EFHB: variants seen among roughly 807,000 people sequenced by gnomAD.
The protein encoded by EFHB is EF-hand domain family member B.
Under a neutral mutation model 87.2 loss-of-function variants are expected in EFHB, and 91 were observed. The ratio of observed to expected loss-of-function variants is 1.04; its 90% CI spans 0.88 to 1.24. The LOEUF (loss-of-function observed/expected upper bound fraction) is 1.24, where lower values mean the gene tolerates loss of function less well. EFHB is among the 50% of genes most tolerant of loss of function. The probability of loss-of-function intolerance (pLI) is 0.00; values close to 1 mark genes in which losing one functional copy is unlikely to be tolerated. For missense variants in EFHB, 1,084 were observed against 998.8 expected (o/e 1.09, Z -1.15); for synonymous variants, 325 against 333.6 (o/e 0.97, Z 0.28).
upstream of EFHB, among the ~76,000 whole-genome samples, chr3:19,936,524 A>G (rs1696025876): frequency 6.6e-6 from 1 of 152,086 alleles, no homozygotes; most frequent in Non-Finnish European, 1.5e-5. Context: ...TGATCATGCC[A>G]CTACACTCTA....
chr3:19,936,142 T>C (rs1470958936), upstream of EFHB: 6 of 1,494,162 alleles, frequency 4.0e-6, no homozygotes, highest in Non-Finnish European at 5.4e-6. Flanking sequence ...GTCACTCACC[T>C]GTAATCTCAA....
chr3:19,910,042 A>G (rs1695002325), intron 5 of EFHB, among the ~76,000 whole-genome samples: 1 of 151,858 alleles, frequency 6.6e-6, no homozygotes, highest in African/African-American at 2.4e-5. Context: ...TGTGGTAGCT[A>G]CAGAGCAAAA....
intron 1 of EFHB, 120 bp from the exon 2 acceptor site, chr3:19,920,687 T>TA: frequency 1.4e-6 from 1 of 691,138 alleles, no homozygotes; most frequent in South Asian, 2.2e-5. Flanking sequence ...TTGACTAACA[T>TA]AAAAAAGGAA....
At chr3:19,885,479 T>G (rs1330155317) in intron 10 of EFHB, among the ~76,000 whole-genome samples, 1 of 152,234 alleles carries the variant, frequency 6.6e-6, no homozygotes, top group East Asian at 1.9e-4. Flanking sequence ...GTTGTAAGAC[T>G]GTCCTCTTTT....
At position 19,933,441 on chromosome 3, in the gene EFHB, T is replaced by C; in HGVS notation, c.578A>G (p.Asp193Gly). The change falls in exon 1 of 13, where the codon GAC becomes GGC. Residue 193 changes from aspartate to glycine, a missense_variant. Physicochemically the swap from Asp to Gly is moderately conservative, Grantham distance 94 (BLOSUM62 -1). Transcript: ENST00000295824. ...NTEIKLPVEV[D>G]IGLTQAEGPD... ...CCCCTCGGCTTGGGTTAGTCCAATG[T>C]CCACCTCCACAGGAAGCTTAATCTC... 6.2e-7 allele frequency: 1 copy of C among 1,614,036 alleles called. No homozygotes were observed. Among genetic ancestry groups the C allele is most frequent in the Non-Finnish European group, 8.5e-7 (1 of 1,179,902 alleles).
Position 19,895,351 on chromosome 3 carries a change from G to A in EFHB, c.1725+1336C>T, listed in dbSNP as rs143647745. ...AAAAAAATTAGTCGGGCCTGGTGGC[G>A]GGCACCTGTAGTCCCACTACTCGGG... On this transcript the variant is annotated intron_variant, in intron 9 of 12. Coordinates refer to ENST00000295824, the MANE Select transcript of EFHB (RefSeq NM_144715.4). Among the ~76,000 whole-genome samples, 940 of 151,758 alleles carry A rather than the reference G, an allele frequency of 6.2e-3. 2 individuals are homozygous for A. Among genetic ancestry groups the A allele is most frequent in the African/African-American group, 0.02 (810 of 41,374 alleles).
rs1559476073 is a variant in EFHB, at chr3:19,933,615, C to CCA, written c.402_403dup (p.Gly135ValfsTer21). 5.0e-6 allele frequency: 8 copies of CCA among 1,613,904 alleles called. No homozygotes were observed. The highest frequency in any genetic ancestry group is 6.8e-6 in the Non-Finnish European group (8 of 1,179,896). On this transcript the variant is annotated frameshift_variant, in exon 1 of 13. Transcript: ENST00000295824. LOFTEE classifies it high-confidence loss of function. Reference sequence around the variant, plus strand: ...CCTGCTCCCTGCAGCCTGTGAACTTCCACACACCCTGCCCAAAGGAGGCTG... The same window carrying CCA: ...CCTGCTCCCTGCAGCCTGTGAACTTCCACACACACCCTGCCCAAAGGAGGCTG...
intron 1 of EFHB, among the ~76,000 whole-genome samples, chr3:19,944,546 T>G (rs1696228338): frequency 6.6e-6 from 1 of 152,216 alleles, no homozygotes; most frequent in Non-Finnish European, 1.5e-5. Context: ...AGCTTTACTG[T>G]GTCATTTCAA....
intron 10 of EFHB, 73 bp from the exon 11 acceptor site, chr3:19,884,688 A>G (rs948947889): frequency 4.6e-5 from 67 of 1,444,090 alleles, no homozygotes; most frequent in Non-Finnish European, 6.3e-5. Context: ...CTGTAACAGG[A>G]TAAGTTTTCC....
Position 19,896,804 on chromosome 3 carries a change from T to C in EFHB, c.1608A>G (p.Glu536=). 1.2e-6 allele frequency: 2 copies of C among 1,613,986 alleles called. No individual in the cohort carries two copies. The highest frequency in any genetic ancestry group is 1.7e-6 in the Non-Finnish European group (2 of 1,179,876). Residue 536 remains glutamate, a synonymous_variant, in exon 9 of 13, where the codon GAA becomes GAG. Coordinates refer to ENST00000295824, the MANE Select transcript of EFHB (RefSeq NM_144715.4). ...GCTGTCTATCCTTGCCTCGAAGATATTCATCCGGAAGTCTATTATGGATGA... is the reference window on the plus strand; with the variant it reads ...GCTGTCTATCCTTGCCTCGAAGATACTCATCCGGAAGTCTATTATGGATGA... ...GDLIHNRLPD[E]YLRGKDRQRA...
At chr3:19,894,195 C>T (rs1007958919) in intron 9 of EFHB, among the ~76,000 whole-genome samples, 16 of 152,166 alleles carry the variant, frequency 1.1e-4, no homozygotes, top group Middle Eastern at 3.2e-3. Context: ...GACTTTTTGG[C>T]AGTGTGGTGG....
chr3:19,897,562 T>G (rs6805780), intron 8 of EFHB, among the ~76,000 whole-genome samples: 9,594 of 152,204 alleles, frequency 0.063, 957 homozygotes, highest in African/African-American at 0.21. Context: ...TCTCTTCCTT[T>G]TTTAATTCAT....
At position 19,896,734 on chromosome 3, in the gene EFHB, A is replaced by T. The variant is rs1487089144; in HGVS notation, c.1678T>A (p.Tyr560Asn). 3.9e-5 allele frequency: 63 copies of T among 1,613,908 alleles called. No individual in the cohort carries two copies. Among genetic ancestry groups the T allele is most frequent in the Non-Finnish European group, 5.3e-5 (62 of 1,179,892 alleles). The part of the protein sequence containing the change: ...AVRHHLKKVN[Y>N]QKFDTLLAAF... ...GCCAGCAAAGTGTCAAACTTTTGGT[A>T]ATTAACTTTCTTCAGGTGATGCCGA... Residue 560 changes from tyrosine to asparagine, a missense_variant, in exon 9 of 13, where the codon TAC (tyrosine) becomes AAC (asparagine). Tyr to Asn is a moderately radical substitution (Grantham distance 143). Transcript: ENST00000295824.
chr3:19,895,684 T>G (rs1232950885), intron 9 of EFHB, among the ~76,000 whole-genome samples: 1 of 152,126 alleles, frequency 6.6e-6, no homozygotes, highest in Non-Finnish European at 1.5e-5. Context: ...TAAAAAGGTG[T>G]GCATAATCAA....
At position 19,888,380 on chromosome 3, in the gene EFHB, T is replaced by C. The variant is rs186260258; in HGVS notation, c.1933+64A>G. On this transcript the variant is annotated intron_variant, in intron 10 of 12. Coordinates refer to ENST00000295824, the MANE Select transcript of EFHB (RefSeq NM_144715.4). The stretch of plus-strand genomic sequence containing the variant: ...AGTGAGACCTCGTCTGTATTAAAAA[T>C]AATAATAATAAATTTTAAAATTTAA... The C allele has an allele frequency of 2.0e-3, 1,871 of 948,824 alleles. 13 individuals are homozygous for C. The highest frequency in any genetic ancestry group is 3.2e-3 in the South Asian group (98 of 30,250). 58.8% of individuals were successfully genotyped at this position (948,824 alleles called of 1,614,324 possible).
intron 9 of EFHB, 28 bp from the exon 10 acceptor site, chr3:19,888,679 A>T (rs1461621750): frequency 1.3e-6 from 2 of 1,567,500 alleles, no homozygotes; most frequent in East Asian, 4.5e-5. Context: ...AAAGAACATA[A>T]AATGGGAGTT....
chr3:19,903,848 A>G (rs769365952), intron 6 of EFHB, among the ~76,000 whole-genome samples: 13 of 152,214 alleles, frequency 8.5e-5, no homozygotes, highest in Non-Finnish European at 1.5e-4. Flanking sequence ...CCTGGGTTTC[A>G]TTCTTACCCC....
At position 19,888,616 on chromosome 3, in the gene EFHB, C is replaced by T. The variant is rs1348028606; in HGVS notation, c.1761G>A (p.Gln587=). 6.2e-7 allele frequency: 1 copy of T among 1,607,180 alleles called. No homozygotes were observed. Among genetic ancestry groups the T allele is most frequent in the Non-Finnish European group, 8.5e-7 (1 of 1,176,404 alleles). The change falls in exon 10 of 13, where the codon CAG becomes CAA. Residue 587 remains glutamine, a synonymous_variant. Transcript: ENST00000295824. ...TCAAGTTGGCCTGGTCACAAGCTTC[C>T]TGCAGCTCGTCTTTATCTATCATCC... ...GDGMIDKDEL[Q]EACDQANLSL... is the part of the protein sequence containing the mutation.
Position 19,898,776 on chromosome 3 carries a change from A to T in EFHB, c.1570+2T>A. 1 of 1,613,204 alleles carries T rather than the reference A, an allele frequency of 6.2e-7. No individual in the cohort carries two copies. The highest frequency in any genetic ancestry group is 8.5e-7 in the Non-Finnish European group (1 of 1,179,528). On this transcript the variant is annotated splice_donor_variant, in intron 8 of 12. Coordinates refer to ENST00000295824, the MANE Select transcript of EFHB (RefSeq NM_144715.4). LOFTEE classifies it high-confidence loss of function. The stretch of plus-strand genomic sequence containing the variant: ...TTTTACGGAGAAAGTGTGTATATTT[A>T]CCATATTCCTCAGGACGGAGACAAG...
Sources: allele counts gnomAD v4.1 joint callset (sites outside exome capture counted in the v4.1 genomes callset), GRCh38; gene constraint gnomAD v4.1.1; transcripts MANE v1.5; gene names NCBI Gene and HGNC (gene_info 2026-07-23, HGNC 2026-07-21).